Variants in PSD3 observed in about 807,000 individuals in gnomAD.
PSD3 encodes pleckstrin and Sec7 domain containing 3, also known as PH and SEC7 domain-containing protein 3.
PSD3 carries 49 observed loss-of-function variants against 105.5 expected under a neutral mutation model. The observed-to-expected ratio is 0.46, with a 90% CI of 0.37 to 0.59. The LOEUF is 0.59. Among genes scored for constraint, PSD3 ranks in the 20% least tolerant of loss-of-function variants. The pLI, the probability that PSD3 is intolerant of heterozygous loss-of-function variation, is 0.00. For synonymous variants in PSD3, 557 were observed against 457.8 expected (o/e 1.22, Z -2.77); for missense variants, 1,561 against 1,263.8 (o/e 1.24, Z -3.57).
intron 2 of PSD3, among the ~76,000 whole-genome samples, chr8:18,907,036 G>A (rs139787273): frequency 1.3e-5 from 2 of 152,262 alleles, no homozygotes; most frequent in African/African-American, 2.4e-5. Context: ...TAGCATAGTT[G>A]TACAATGTAT....
chr8:18,576,034 C>A (rs956426873), intron 12 of PSD3, among the ~76,000 whole-genome samples: 2 of 152,130 alleles, frequency 1.3e-5, no homozygotes, highest in Admixed American at 6.6e-5. Context: ...CGAACACACA[C>A]ACCACATCAC....
intron 9 of PSD3, among the ~76,000 whole-genome samples, chr8:18,686,004 C>T (rs1300433573): frequency 6.6e-6 from 1 of 152,076 alleles, no homozygotes; most frequent in African/African-American, 2.4e-5. Context: ...TTCTTTTCTC[C>T]ACCAAAATGG....
intron 15 of PSD3, among the ~76,000 whole-genome samples, chr8:18,545,501 A>G (rs1204376234): frequency 6.6e-6 from 1 of 152,204 alleles, no homozygotes; most frequent in Non-Finnish European, 1.5e-5. Context: ...AGCCTCTGAA[A>G]CACAAGGATA....
chr8:19,067,816 C>T (rs1467243322), intron 1 of PSD3, among the ~76,000 whole-genome samples: 1 of 152,204 alleles, frequency 6.6e-6, no homozygotes, highest in Non-Finnish European at 1.5e-5. Context: ...GCTTATCAAA[C>T]CCAGCCCTCT....
rs544609058 is a variant in PSD3, at chr8:18,745,520, T to A, written c.2172+19929A>T. Among the ~76,000 whole-genome samples, 2 of 152,332 alleles carry A rather than the reference T, an allele frequency of 1.3e-5. 1 individual carries two copies. Among genetic ancestry groups the A allele is most frequent in the African/African-American group, 4.8e-5 (2 of 41,572 alleles). On this transcript the variant is annotated intron_variant, in intron 9 of 15. Transcript: ENST00000327040. The stretch of plus-strand genomic sequence containing the variant: ...ACACCACCCTCTTCTTTTGAGCACT[T>A]ACTTTCTGGCACCACAAGATGTTCT...
At chr8:18,663,777 C>T (rs776233685) in intron 9 of PSD3, among the ~76,000 whole-genome samples, 1 of 152,186 alleles carries the variant, frequency 6.6e-6, no homozygotes, top group African/African-American at 2.4e-5. Flanking sequence ...CTGTATTGTG[C>T]TTTGCCTCAC....
intron 1 of PSD3, among the ~76,000 whole-genome samples, chr8:18,978,006 G>C (rs117451322): frequency 6.6e-6 from 1 of 152,138 alleles, no homozygotes; most frequent in Non-Finnish European, 1.5e-5. Context: ...CCATACGTTC[G>C]ATATCATGAC....
In PSD3 at chr8:18,698,990, C is replaced by G. The variant is rs1017811819; in HGVS notation, c.2173-43305G>C. Among the ~76,000 whole-genome samples, 3 of 152,236 alleles carry G rather than the reference C, an allele frequency of 2.0e-5. No homozygotes were observed. The South Asian group carries it at 6.2e-4, about 32-fold the overall frequency. On this transcript the variant is annotated intron_variant, in intron 9 of 15. Coordinates refer to ENST00000327040, the MANE Select transcript of PSD3 (RefSeq NM_015310.4). Reference sequence around the variant, plus strand: ...ATCTGAAGACCCAAAGATGAAACCCCACTCAACCAGGCTCATAAGGAAATG... The same window carrying G: ...ATCTGAAGACCCAAAGATGAAACCCGACTCAACCAGGCTCATAAGGAAATG...
chr8:19,072,126 G>A (rs4921985), intron 1 of PSD3, among the ~76,000 whole-genome samples: 61,615 of 149,096 alleles, frequency 0.41, 13,615 homozygotes, highest in East Asian at 0.72. Context: ...TTTTGTGACG[G>A]AGTCTCCCTC....
At chr8:18,681,591 A>C (rs1800394436) in intron 9 of PSD3, among the ~76,000 whole-genome samples, 1 of 152,154 alleles carries the variant, frequency 6.6e-6, no homozygotes, top group Non-Finnish European at 1.5e-5. Flanking sequence ...AAATGGGAGA[A>C]GTGATGCTTA....
intron 1 of PSD3, among the ~76,000 whole-genome samples, chr8:19,002,829 AGT>A (rs1826475614): frequency 6.6e-6 from 1 of 152,052 alleles, no homozygotes; most frequent in South Asian, 2.1e-4. Flanking sequence ...CAGAGAGCTA[AGT>A]GTATTAGAAT....
chr8:18,947,897 G>A (rs1822968932), intron 1 of PSD3, among the ~76,000 whole-genome samples: 1 of 152,130 alleles, frequency 6.6e-6, no homozygotes, highest in Admixed American at 6.5e-5. Context: ...TTGTAATAAA[G>A]CCTCCCATAA....
chr8:18,868,197 A>G (rs1413536638), intron 3 of PSD3, 128 bp from the exon 4 acceptor site: 11 of 1,088,144 alleles, frequency 1.0e-5, no homozygotes, highest in African/African-American at 6.3e-5. Context: ...ATATCTTAAC[A>G]TATTTGGGAA....
intron 15 of PSD3, among the ~76,000 whole-genome samples, chr8:18,542,044 C>T (rs1342358246): frequency 6.6e-6 from 1 of 152,128 alleles, no homozygotes; most frequent in African/African-American, 2.4e-5. Context: ...CGAGCCACCT[C>T]ATTCGGCCCT....
chr8:18,627,396 G>A (rs1383967083), intron 11 of PSD3, among the ~76,000 whole-genome samples: 2 of 152,066 alleles, frequency 1.3e-5, no homozygotes, highest in Non-Finnish European at 2.9e-5. Flanking sequence ...CTTGGCTGTA[G>A]CATCGATCTT....
upstream of PSD3, among the ~76,000 whole-genome samples, chr8:19,016,729 T>C (rs1186408634): frequency 1.3e-5 from 2 of 152,234 alleles, no homozygotes; most frequent in South Asian, 2.1e-4. Flanking sequence ...CTCACAGTTC[T>C]GGAGGCTGGA....
At chr8:18,613,305 G>A (rs1805410197) in intron 11 of PSD3, among the ~76,000 whole-genome samples, 1 of 152,138 alleles carries the variant, frequency 6.6e-6, no homozygotes, top group Non-Finnish European at 1.5e-5. Flanking sequence ...CACATTGGGA[G>A]GAGGGGGTGG....
At chr8:18,950,498 A>C (rs369775040) in intron 1 of PSD3, among the ~76,000 whole-genome samples, 1 of 152,136 alleles carries the variant, frequency 6.6e-6, no homozygotes, top group Non-Finnish European at 1.5e-5. Flanking sequence ...CTCTTGTCCA[A>C]CTGAGGCTTT....
intron 4 of PSD3, among the ~76,000 whole-genome samples, chr8:18,844,670 T>C (rs542779284): frequency 4.6e-5 from 7 of 152,250 alleles, no homozygotes; most frequent in African/African-American, 1.7e-4. Context: ...CCACATTAAA[T>C]AGGATGGATT....
Sources: gnomAD v4.1 joint callset for allele counts (sites outside exome capture counted in the v4.1 genomes callset) on GRCh38, gnomAD v4.1.1 for gene constraint, MANE v1.5 for transcripts, NCBI Gene and HGNC (gene_info 2026-07-23, HGNC 2026-07-21) for gene names.